Variants in PDIA5 observed in about 807,000 individuals in gnomAD.
PDIA5 encodes the protein protein disulfide-isomerase A5.
A neutral mutation model predicts 77.6 loss-of-function variants in PDIA5; 58 were observed. The observed-to-expected ratio is 0.75, with a 90% CI of 0.61 to 0.93. The LOEUF is 0.93. PDIA5 is among the 40% of genes least tolerant of loss of function. PDIA5 has a pLI of 0.00. For synonymous variants in PDIA5, 250 were observed against 252.1 expected (o/e 0.99, Z 0.08); for missense variants, 630 against 647.7 (o/e 0.97, Z 0.30).
intron 1 of PDIA5, among the ~76,000 whole-genome samples, chr3:123,082,738 A>G (rs1670709978): frequency 6.6e-6 from 1 of 152,028 alleles, no homozygotes; most frequent in Admixed American, 6.5e-5. Flanking sequence ...GCCAAACATT[A>G]TGTTAGATTC....
At chr3:123,098,724 A>G (rs1934507701) in intron 3 of PDIA5, among the ~76,000 whole-genome samples, 1 of 152,182 alleles carries the variant, frequency 6.6e-6, no homozygotes, top group South Asian at 2.1e-4. Flanking sequence ...GTAAATGGGC[A>G]GAGGGATGGC....
chr3:123,136,595 A>G (rs1292648629), intron 11 of PDIA5, among the ~76,000 whole-genome samples: 1 of 152,008 alleles, frequency 6.6e-6, no homozygotes, highest in Non-Finnish European at 1.5e-5. Context: ...AAAAATTAGC[A>G]GAGCATGGTG....
At chr3:123,116,434 G>T (rs1214243547) in intron 8 of PDIA5, 136 bp downstream of exon 8, 6 of 673,642 alleles carry the variant, frequency 8.9e-6, no homozygotes, top group African/African-American at 3.5e-5. Flanking sequence ...TTGCTGAATC[G>T]CAGCCTTGCA....
intron 5 of PDIA5, among the ~76,000 whole-genome samples, 193 bp downstream of exon 5, chr3:123,102,989 T>C (rs1934640821): frequency 6.6e-6 from 1 of 152,232 alleles, no homozygotes; most frequent in Non-Finnish European, 1.5e-5. Context: ...CACAACAGAT[T>C]GACCCAGCTT....
chr3:123,096,390 T>C (rs1333530791), intron 3 of PDIA5, among the ~76,000 whole-genome samples: 2 of 152,260 alleles, frequency 1.3e-5, no homozygotes, highest in East Asian at 3.9e-4. Context: ...GGTTTTGCCA[T>C]GTTGCCCCGG....
At chr3:123,138,817 A>T (rs1935556354) in intron 11 of PDIA5, among the ~76,000 whole-genome samples, 1 of 152,158 alleles carries the variant, frequency 6.6e-6, no homozygotes, top group African/African-American at 2.4e-5. Context: ...GCCCCAAGCC[A>T]AATTCCAAGC....
chr3:123,092,524 T>C, intron 3 of PDIA5, 82 bp downstream of exon 3: 2 of 976,684 alleles, frequency 2.0e-6, no homozygotes, highest in Non-Finnish European at 1.7e-6. Flanking sequence ...AGGAACTGTC[T>C]CTTGATTAAT....
chr3:123,120,905 G>A (rs1935100372), intron 8 of PDIA5, among the ~76,000 whole-genome samples: 1 of 152,112 alleles, frequency 6.6e-6, no homozygotes, highest in Non-Finnish European at 1.5e-5. Context: ...ATGCTAGCTG[G>A]TGGCCAAAGG....
At chr3:123,080,104 G>C (rs950227528) in intron 1 of PDIA5, among the ~76,000 whole-genome samples, 1 of 151,920 alleles carries the variant, frequency 6.6e-6, no homozygotes, top group African/African-American at 2.4e-5. Context: ...AATCCTAAAA[G>C]AGACGTGTTT....
chr3:123,134,550 C>T (rs938592830), intron 11 of PDIA5, among the ~76,000 whole-genome samples: 1 of 152,168 alleles, frequency 6.6e-6, no homozygotes, highest in South Asian at 2.1e-4. Flanking sequence ...GGGCCCTGCT[C>T]CTTTACCCTC....
intron 11 of PDIA5, chr3:123,144,377 C>A (rs1935711292): frequency 6.6e-6 from 1 of 152,238 alleles, no homozygotes; most frequent in Admixed American, 6.5e-5. Context: ...CACAGCCAGG[C>A]TTACCTTCTG....
At position 123,145,564 on chromosome 3, in the gene PDIA5, C is replaced by A. The variant is rs201409392; in HGVS notation, c.953C>A (p.Ala318Glu). 22 of 1,613,842 alleles carry A rather than the reference C, an allele frequency of 1.4e-5. No individual in the cohort carries two copies. The highest frequency in any genetic ancestry group is 1.6e-5 in the Non-Finnish European group (19 of 1,179,704). The change falls in exon 12 of 17, where the codon GCA (alanine) becomes GAA (glutamate). Residue 318 changes from alanine to glutamate, a missense_variant. Ala to Glu is a moderately radical substitution (Grantham distance 107, BLOSUM62 -1). Transcript: ENST00000316218. ...CKKMKPEFEK[A>E]AEALHGEADS... ...AAAATGAAGCCGGAGTTTGAGAAGGCAGCAGAAGCCCTCCATGGAGAAGCG... is the reference window on the plus strand; with the variant it reads ...AAAATGAAGCCGGAGTTTGAGAAGGAAGCAGAAGCCCTCCATGGAGAAGCG...
At chr3:123,153,268 G>A (rs1173356570) in intron 14 of PDIA5, among the ~76,000 whole-genome samples, 1 of 152,192 alleles carries the variant, frequency 6.6e-6, no homozygotes. Flanking sequence ...TTTTGAGGAA[G>A]GGGGGTGGTT....
intron 15 of PDIA5, among the ~76,000 whole-genome samples, chr3:123,155,847 G>A (rs1936010649): frequency 6.6e-6 from 1 of 152,120 alleles, no homozygotes; most frequent in African/African-American, 2.4e-5. Flanking sequence ...ACTTTCCTGG[G>A]TGGAATCCCA....
At chr3:123,146,307 C>T (rs772858152) in intron 13 of PDIA5, 48 bp downstream of exon 13, 1 of 1,514,172 alleles carries the variant, frequency 6.6e-7, no homozygotes, top group Non-Finnish European at 9.1e-7. Context: ...AGCTGGCGGC[C>T]CCTGGAGACC....
intron 15 of PDIA5, among the ~76,000 whole-genome samples, chr3:123,155,538 C>T (rs1936001612): frequency 6.6e-6 from 1 of 152,214 alleles, no homozygotes; most frequent in South Asian, 2.1e-4. Flanking sequence ...GCAGGGCCTC[C>T]AGGCGCGTCC....
At position 123,162,059 on chromosome 3, in the gene PDIA5, G is replaced by T; in HGVS notation, c.*99G>T. The stretch of plus-strand genomic sequence containing the variant: ...TTCTGAAGACAAATTTTTTATAGCC[G>T]CTTATGGCCATTTTGTACAATTTTG... On this transcript the variant is annotated 3_prime_UTR_variant, in exon 17 of 17. Coordinates refer to ENST00000316218, the MANE Select transcript of PDIA5 (RefSeq NM_006810.4). 1 of 734,976 alleles carries T rather than the reference G, an allele frequency of 1.4e-6. No individual in the cohort carries two copies. Among genetic ancestry groups the T allele is most frequent in the South Asian group, 1.6e-5 (1 of 63,254 alleles). The allele number at this position is 734,976 out of a possible 1,614,324, so 45.5% of individuals were successfully genotyped here.
At position 123,145,661 on chromosome 3, in the gene PDIA5, CTT is replaced by C; in HGVS notation, c.981+71_981+72del. 17 of 1,358,190 alleles carry C rather than the reference CTT, an allele frequency of 1.3e-5. No homozygotes were observed. The South Asian group carries it at 1.9e-4, about 15-fold the overall frequency. 84.1% of individuals were successfully genotyped at this position (1,358,190 alleles called of 1,614,324 possible). On this transcript the variant is annotated intron_variant, in intron 12 of 16. Transcript: ENST00000316218. ...TCACTGACAGGTGGAATCATTATGA[CTT>C]TCCCCTGCAAGCCCTGCTGCAGCTC...
intron 11 of PDIA5, among the ~76,000 whole-genome samples, chr3:123,135,745 CT>C (rs766560888): frequency 9.9e-4 from 80 of 80,464 alleles, no homozygotes; most frequent in South Asian, 3.5e-3. Context: ...GAGGTAACAA[CT>C]TTTTTTTTTT....
Sources: gnomAD v4.1 joint callset for allele counts (sites outside exome capture counted in the v4.1 genomes callset) on GRCh38, gnomAD v4.1.1 for gene constraint, MANE v1.5 for transcripts, NCBI Gene and HGNC (gene_info 2026-07-23, HGNC 2026-07-21) for gene names.